CEP112: variants seen among roughly 807,000 people sequenced by gnomAD.
CEP112 encodes centrosomal protein of 112 kDa.
Under a neutral mutation model 153.0 loss-of-function variants are expected in CEP112, and 127 were observed. The observed-to-expected ratio is 0.83, with a 90% CI of 0.72 to 0.96. The LOEUF is 0.96. Among genes scored for constraint, CEP112 ranks in the 40% least tolerant of loss-of-function variants. The probability of loss-of-function intolerance (pLI) is 0.00; values close to 1 mark genes in which losing one functional copy is unlikely to be tolerated. For synonymous variants in CEP112, 358 were observed against 374.4 expected (o/e 0.96, Z 0.51); for missense variants, 1,089 against 1,101.2 (o/e 0.99, Z 0.16).
chr17:65,979,904 A>G (rs2063168206), intron 17 of CEP112, among the ~76,000 whole-genome samples: 1 of 152,190 alleles, frequency 6.6e-6, no homozygotes, highest in African/African-American at 2.4e-5. Context: ...GAAACTATTA[A>G]TAATAGTTTC....
intron 24 of CEP112, among the ~76,000 whole-genome samples, chr17:65,673,324 GC>G (rs944797485): frequency 3.3e-5 from 5 of 152,088 alleles, no homozygotes; most frequent in African/African-American, 9.6e-5. Flanking sequence ...AATCTCTCTA[GC>G]CCCCCCGCCC....
intron 21 of CEP112, among the ~76,000 whole-genome samples, chr17:65,818,018 C>T (rs911791057): frequency 2.6e-5 from 4 of 151,792 alleles, no homozygotes; most frequent in Non-Finnish European, 4.4e-5. Context: ...TCAATTATGA[C>T]GCCTTTTCTT....
intron 24 of CEP112, among the ~76,000 whole-genome samples, chr17:65,646,882 A>C (rs2045462170): frequency 6.6e-6 from 1 of 152,250 alleles, no homozygotes; most frequent in Non-Finnish European, 1.5e-5. Context: ...CTTTTTAAAA[A>C]TGTGACAACA....
At chr17:65,817,347 T>C (rs932809941) in intron 21 of CEP112, among the ~76,000 whole-genome samples, 2 of 152,008 alleles carry the variant, frequency 1.3e-5, no homozygotes, top group African/African-American at 4.8e-5. Context: ...TAAAAACGTT[T>C]CAAAACAGGT....
chr17:65,873,976 T>C (rs1399875814), intron 20 of CEP112, among the ~76,000 whole-genome samples: 9 of 152,214 alleles, frequency 5.9e-5, no homozygotes, highest in Non-Finnish European at 1.3e-4. Flanking sequence ...TTGATTAAAA[T>C]GCTCTGCTTA....
chr17:66,142,304 C>T (rs571355900), intron 4 of CEP112, among the ~76,000 whole-genome samples: 1 of 152,184 alleles, frequency 6.6e-6, no homozygotes, highest in African/African-American at 2.4e-5. Context: ...GATTCTGTAG[C>T]TTGTCTCTTC....
At position 66,029,212 on chromosome 17, in the gene CEP112, C is replaced by T; in HGVS notation, c.1414G>A (p.Asp472Asn). ...LHKEKDHLVN[D>N]YEQNMKLLQT... ...AACAGTTTCATGTTTTGCTCATAAT[C>T]ATTTACAAGATGGTCCTTCTCTTTA... The change falls in exon 14 of 27, where the codon GAT (aspartate) becomes AAT (asparagine). Residue 472 changes from aspartate to asparagine, a missense_variant. By Grantham distance (23) the Asp-to-Asn change is conservative (BLOSUM62 1). Coordinates refer to ENST00000535342, the MANE Select transcript of CEP112 (RefSeq NM_001199165.4). The T allele has an allele frequency of 1.2e-6, 2 of 1,611,704 alleles. No individual in the cohort carries two copies. Among genetic ancestry groups the T allele is most frequent in the Non-Finnish European group, 1.7e-6 (2 of 1,178,288 alleles).
chr17:65,747,062 T>TAA (rs561125360), intron 22 of CEP112, among the ~76,000 whole-genome samples: 3 of 146,480 alleles, frequency 2.0e-5, no homozygotes, highest in Non-Finnish European at 4.5e-5. Context: ...TTAGTGGTCT[T>TAA]AAAAAAAAAA....
chr17:65,868,415 G>A lies in CEP112; in HGVS notation c.2164-16381C>T, dbSNP rs549916536. On this transcript the variant is annotated intron_variant, in intron 20 of 26. Transcript: ENST00000535342. Reference sequence around the variant, plus strand: ...CTCGAGAGGCTGAGGCAGGAGAAACGCTTGAGCCCAGGAGATAAAGGTTGC... The same window carrying A: ...CTCGAGAGGCTGAGGCAGGAGAAACACTTGAGCCCAGGAGATAAAGGTTGC... 9.9e-5 allele frequency among the ~76,000 whole-genome samples: 15 copies of A among 151,818 alleles called. No individual in the cohort carries two copies. In the East Asian group the frequency reaches 2.1e-3, roughly 22 times the overall value.
At chr17:66,011,347 G>A (rs1292723885) in intron 16 of CEP112, among the ~76,000 whole-genome samples, 1 of 151,992 alleles carries the variant, frequency 6.6e-6, no homozygotes, top group Non-Finnish European at 1.5e-5. Context: ...CTAACTTTCT[G>A]ATATGAGTGC....
intron 4 of CEP112, among the ~76,000 whole-genome samples, chr17:66,145,306 GA>G: frequency 6.6e-6 from 1 of 152,122 alleles, no homozygotes; most frequent in East Asian, 1.9e-4. Context: ...AGATATATGT[GA>G]TGAAAATTTT....
intron 12 of CEP112, among the ~76,000 whole-genome samples, chr17:66,053,445 C>A (rs1406735010): frequency 1.3e-5 from 2 of 152,042 alleles, no homozygotes; most frequent in African/African-American, 2.4e-5. Flanking sequence ...CAAGGCCATG[C>A]CGTTGCACTC....
rs1212587755 is a variant in CEP112, at chr17:65,641,916, GT to G, written c.2698-852del. On this transcript the variant is annotated intron_variant, in intron 24 of 26. Transcript: ENST00000535342. ...TGCACTGGGCATAGGAAGGTTCCTG[GT>G]TCCTGGTTTCTTTCTGCCTCCCAAA... Among the ~76,000 whole-genome samples the G allele has an allele frequency of 2.0e-5, 3 of 152,296 alleles. No individual in the cohort carries two copies. In the East Asian group the frequency reaches 5.8e-4, roughly 29 times the overall value.
intron 6 of CEP112, among the ~76,000 whole-genome samples, chr17:66,102,019 A>G (rs11870092): frequency 0.11 from 16,863 of 151,946 alleles, 1,088 homozygotes; most frequent in South Asian, 0.23. Flanking sequence ...TCAAGCTGAG[A>G]AAAGTTTCAC....
At chr17:65,920,767 A>T (rs2144058359) in intron 19 of CEP112, among the ~76,000 whole-genome samples, 1 of 152,142 alleles carries the variant, frequency 6.6e-6, no homozygotes, top group Non-Finnish European at 1.5e-5. Context: ...AAATGTAAAC[A>T]ATAGCTGGGA....
chr17:66,003,776 C>T (rs182910610), intron 17 of CEP112, among the ~76,000 whole-genome samples: 10 of 152,258 alleles, frequency 6.6e-5, no homozygotes, highest in African/African-American at 9.6e-5. Flanking sequence ...CTCACAGGAG[C>T]GTGAACCCTA....
intron 23 of CEP112, among the ~76,000 whole-genome samples, chr17:65,694,978 C>T (rs2048287618): frequency 6.6e-6 from 1 of 152,208 alleles, no homozygotes; most frequent in South Asian, 2.1e-4. Flanking sequence ...AGAACTGTCC[C>T]TCCTCTCCTA....
At chr17:66,131,026 TA>T (rs2070138928) in intron 5 of CEP112, among the ~76,000 whole-genome samples, 1 of 152,194 alleles carries the variant, frequency 6.6e-6, no homozygotes, top group South Asian at 2.1e-4. Context: ...AAGTGTATTT[TA>T]AAATTAGATT....
chr17:66,189,320 G>A (rs1188756131), intron 1 of CEP112, among the ~76,000 whole-genome samples: 1 of 151,982 alleles, frequency 6.6e-6, no homozygotes, highest in Non-Finnish European at 1.5e-5. Context: ...GGCCAACATG[G>A]TGAAACCCCG....
Sources: gnomAD v4.1 joint callset for allele counts (sites outside exome capture counted in the v4.1 genomes callset) on GRCh38, gnomAD v4.1.1 for gene constraint, MANE v1.5 for transcripts, NCBI Gene and HGNC (gene_info 2026-07-23, HGNC 2026-07-21) for gene names.